The following FAM135B variants were observed in gnomAD, a reference collection of about 807,000 sequenced individuals.
FAM135B encodes family with sequence similarity 135 member B.
A neutral mutation model predicts 127.7 loss-of-function variants in FAM135B; 43 were observed. The ratio of observed to expected loss-of-function variants is 0.34; its 90% CI spans 0.26 to 0.43. FAM135B has a LOEUF of 0.43. Ranked by LOEUF, FAM135B falls within the 20% of genes least tolerant of loss-of-function variation. The pLI is 1.00. For synonymous variants in FAM135B, 670 were observed against 665.1 expected (o/e 1.01, Z -0.11); for missense variants, 1,558 against 1,725.6 (o/e 0.90, Z 1.72).
chr8:138,199,875 C>T (rs1175099784), intron 7 of FAM135B, among the ~76,000 whole-genome samples: 1 of 152,212 alleles, frequency 6.6e-6, no homozygotes, highest in Admixed American at 6.5e-5. Flanking sequence ...GTGGGGATTA[C>T]AGGTTCTTCC....
intron 11 of FAM135B, among the ~76,000 whole-genome samples, chr8:138,168,762 T>C (rs1820167860): frequency 6.6e-6 from 1 of 152,080 alleles, no homozygotes; most frequent in Non-Finnish European, 1.5e-5. Context: ...AGGGGAAGAG[T>C]TTATTTTACT....
At chr8:138,304,243 A>C (rs572346467) in intron 3 of FAM135B, among the ~76,000 whole-genome samples, 1 of 152,324 alleles carries the variant, frequency 6.6e-6, no homozygotes, top group East Asian at 1.9e-4. Flanking sequence ...ATTTGTTCGC[A>C]GCAAGGGTTG....
chr8:138,298,603 G>C (rs933903477), intron 3 of FAM135B, among the ~76,000 whole-genome samples: 4 of 152,102 alleles, frequency 2.6e-5, no homozygotes, highest in African/African-American at 9.7e-5. Flanking sequence ...GACCCCAAGC[G>C]AACCAGGACC....
chr8:138,254,511 A>G (rs529565277), intron 5 of FAM135B, among the ~76,000 whole-genome samples: 2 of 152,322 alleles, frequency 1.3e-5, no homozygotes, highest in African/African-American at 4.8e-5. Context: ...TTAATGACAG[A>G]AACCCCAGAT....
chr8:138,146,360 T>C (rs979911238), intron 14 of FAM135B, among the ~76,000 whole-genome samples: 2 of 152,136 alleles, frequency 1.3e-5, no homozygotes, highest in African/African-American at 4.8e-5. Flanking sequence ...CCTCCCCTTC[T>C]TCCACAGCAA....
rs1348472390 is a variant in FAM135B at position 138,188,965 on chromosome 8, C to G, written c.873+6293G>C. Among the ~76,000 whole-genome samples, 4 of 152,162 alleles carry G rather than the reference C, an allele frequency of 2.6e-5. No individual in the cohort carries two copies. In the South Asian group the frequency reaches 8.3e-4, roughly 32 times the overall value. ...AAGAGGGAAGGTCCTGGCAAGGGCCCCACCCTCAGTCCTGGAACTGCTGCC... is the reference window on the plus strand; with the variant it reads ...AAGAGGGAAGGTCCTGGCAAGGGCCGCACCCTCAGTCCTGGAACTGCTGCC... On this transcript the variant is annotated intron_variant, in intron 9 of 19. Transcript: ENST00000395297.
At chr8:138,207,559 C>G (rs1275316568) in intron 7 of FAM135B, among the ~76,000 whole-genome samples, 1 of 152,112 alleles carries the variant, frequency 6.6e-6, no homozygotes, top group Non-Finnish European at 1.5e-5. Flanking sequence ...TTGAGAGATG[C>G]CTTCAGCTTT....
chr8:138,184,101 G>T (rs897226388), intron 9 of FAM135B, among the ~76,000 whole-genome samples: 1 of 152,198 alleles, frequency 6.6e-6, no homozygotes, highest in African/African-American at 2.4e-5. Flanking sequence ...TGAGAAGTCA[G>T]CCTTTGGTTT....
chr8:138,177,466 T>C (rs1390585259), intron 10 of FAM135B, 46 bp from the exon 11 acceptor site: 4 of 1,475,314 alleles, frequency 2.7e-6, no homozygotes, highest in Non-Finnish European at 3.7e-6. Flanking sequence ...TAGGTAGGTA[T>C]TACCTGCACT....
chr8:138,415,687 G>T (rs1470119674), intron 1 of FAM135B, among the ~76,000 whole-genome samples: 2 of 152,184 alleles, frequency 1.3e-5, no homozygotes, highest in East Asian at 3.9e-4. Flanking sequence ...ATTGGTGGAA[G>T]ACAGAAGGGC....
chr8:138,373,230 T>C (rs1196261023), intron 1 of FAM135B, among the ~76,000 whole-genome samples: 1 of 152,128 alleles, frequency 6.6e-6, no homozygotes, highest in African/African-American at 2.4e-5. Context: ...GCTGAAGCCA[T>C]GGCAGAAGAA....
Position 138,191,690 on chromosome 8 carries a change from A to T in FAM135B, c.873+3568T>A, listed in dbSNP as rs567528479. Among the ~76,000 whole-genome samples, 213 of 152,326 alleles carry T rather than the reference A, an allele frequency of 1.4e-3. 1 individual carries two copies. The highest frequency in any genetic ancestry group is 2.6e-3 in the Non-Finnish European group (179 of 68,032). On this transcript the variant is annotated intron_variant, in intron 9 of 19. Coordinates refer to ENST00000395297, the MANE Select transcript of FAM135B (RefSeq NM_015912.4). ...AATAAAAATTCTCATGGGCCAAAAG[A>T]TGAATGGCAGTCGTTCCCAGGAAAA... is the stretch of plus-strand genomic sequence containing the variant.
chr8:138,183,046 C>T (rs145245336), intron 9 of FAM135B, among the ~76,000 whole-genome samples: 6 of 150,866 alleles, frequency 4.0e-5, no homozygotes, highest in East Asian at 2.0e-4. Flanking sequence ...CACACACCTG[C>T]GATGTCCACT....
intron 1 of FAM135B, among the ~76,000 whole-genome samples, chr8:138,460,257 G>A (rs959038170): frequency 6.6e-6 from 1 of 152,210 alleles, no homozygotes; most frequent in Admixed American, 6.5e-5. Flanking sequence ...GAGGCACATG[G>A]CTAGTAAGCA....
chr8:138,224,184 A>T (rs773800387), intron 7 of FAM135B, among the ~76,000 whole-genome samples: 10 of 152,226 alleles, frequency 6.6e-5, no homozygotes, highest in African/African-American at 9.6e-5. Flanking sequence ...CTAAAGTAAA[A>T]GTTGAAAAAG....
At chr8:138,225,639 CACA>C (rs1273491006) in intron 7 of FAM135B, among the ~76,000 whole-genome samples, 1 of 152,000 alleles carries the variant, frequency 6.6e-6, no homozygotes, top group African/African-American at 2.4e-5. Context: ...GATTAAGGTC[CACA>C]TAGTTTAATA....
rs367949709 is a variant in FAM135B, at chr8:138,264,764, A to G, written c.297+939T>C. 2.4e-4 allele frequency among the ~76,000 whole-genome samples: 36 copies of G among 152,308 alleles called. No individual in the cohort carries two copies. In the East Asian group the frequency reaches 2.5e-3, roughly 11 times the overall value. On this transcript the variant is annotated intron_variant, in intron 4 of 19. Coordinates refer to ENST00000395297, the MANE Select transcript of FAM135B (RefSeq NM_015912.4). ...AAAGAGGAATCTGGTCACTACCTAGATAACAAAAGATGTGGACAAAAAGCC... is the reference window on the plus strand; with the variant it reads ...AAAGAGGAATCTGGTCACTACCTAGGTAACAAAAGATGTGGACAAAAAGCC...
chr8:138,172,484 A>G (rs1303703049), intron 11 of FAM135B, among the ~76,000 whole-genome samples: 1 of 152,142 alleles, frequency 6.6e-6, no homozygotes, highest in Non-Finnish European at 1.5e-5. Flanking sequence ...CTCCTTTAAC[A>G]CCCTACTTTA....
chr8:138,414,456 TCCCGAAACAC>T (rs1319976177), intron 1 of FAM135B, among the ~76,000 whole-genome samples: 2 of 152,094 alleles, frequency 1.3e-5, no homozygotes, highest in African/African-American at 4.8e-5. Context: ...CATTCTTCAT[TCCCGAAACAC>T]CCCCCAAAAG....
Sources: gnomAD v4.1 joint callset for allele counts (sites outside exome capture counted in the v4.1 genomes callset) on GRCh38, gnomAD v4.1.1 for gene constraint, MANE v1.5 for transcripts, NCBI Gene and HGNC (gene_info 2026-07-23, HGNC 2026-07-21) for gene names.